ZNF385D: variants seen among roughly 807,000 people sequenced by gnomAD.
ZNF385D encodes zinc finger protein 659.
Under a neutral mutation model 35.8 loss-of-function variants are expected in ZNF385D, and 15 were observed. The observed-to-expected ratio is 0.42, with a 90% CI of 0.28 to 0.64. ZNF385D has a LOEUF of 0.64. ZNF385D is among the 30% of genes least tolerant of loss of function. The pLI is 0.23. For synonymous variants in ZNF385D, 212 were observed against 186.8 expected, an observed-to-expected ratio of 1.13 and a Z score of -1.10; for missense variants, 474 against 494.6, an observed-to-expected ratio of 0.96 and a Z score of 0.39.
intron 1 of ZNF385D, among the ~76,000 whole-genome samples, chr3:21,698,258 C>A (rs1170377866): frequency 6.6e-6 from 1 of 152,138 alleles, no homozygotes; most frequent in African/African-American, 2.4e-5. Flanking sequence ...CATGGAATAA[C>A]TATTCAGCCA....
chr3:21,950,176 G>A (rs1575990863), intron 3 of ZNF385D, among the ~76,000 whole-genome samples: 1 of 151,792 alleles, frequency 6.6e-6, no homozygotes, highest in Non-Finnish European at 1.5e-5. Flanking sequence ...CCCACCAACA[G>A]TGTAAAAGTG....
rs190058554 is a variant in ZNF385D, at chr3:21,734,712, A to G, written c.22+16183T>C. Among the ~76,000 whole-genome samples the G allele has an allele frequency of 1.9e-4, 29 of 152,272 alleles. No homozygotes were observed. The East Asian group carries it at 4.8e-3, about 25-fold the overall frequency. Reference sequence around the variant, plus strand: ...AAAACCTGGGCTGCACTGATCACCTAGATAAGAAATTTGGACCCCACGTGT... The same window carrying G: ...AAAACCTGGGCTGCACTGATCACCTGGATAAGAAATTTGGACCCCACGTGT... On this transcript the variant is annotated intron_variant, in intron 1 of 7. Coordinates refer to ENST00000281523, the MANE Select transcript of ZNF385D (RefSeq NM_024697.3).
intron 3 of ZNF385D, among the ~76,000 whole-genome samples, chr3:22,162,985 G>A (rs1190183071): frequency 6.6e-6 from 1 of 152,148 alleles, no homozygotes; most frequent in East Asian, 1.9e-4. Flanking sequence ...AGTAGAGAGT[G>A]AGGTTAGCCT....
At chr3:22,259,602 AT>A (rs752261723) in intron 2 of ZNF385D, among the ~76,000 whole-genome samples, 112 of 152,152 alleles carry the variant, frequency 7.4e-4, no homozygotes, top group Middle Eastern at 6.8e-3. Context: ...TATCAAAAAA[AT>A]GTTTAATTCA....
At chr3:22,168,168 A>G (rs370476850) in intron 3 of ZNF385D, among the ~76,000 whole-genome samples, 1 of 152,184 alleles carries the variant, frequency 6.6e-6, no homozygotes, top group Admixed American at 6.5e-5. Context: ...TTAGCTCTCT[A>G]AAGTCTCCTC....
At chr3:21,735,344 A>G (rs1054888244) in intron 1 of ZNF385D, among the ~76,000 whole-genome samples, 3 of 152,176 alleles carry the variant, frequency 2.0e-5, no homozygotes, top group Non-Finnish European at 2.9e-5. Flanking sequence ...GGAAGTAGTC[A>G]ACAGATCTGA....
At chr3:22,354,290 T>G (rs1378993162) in intron 2 of ZNF385D, among the ~76,000 whole-genome samples, 1 of 152,098 alleles carries the variant, frequency 6.6e-6, no homozygotes, top group East Asian at 1.9e-4. Flanking sequence ...GAAGAAAACA[T>G]CAGTACATAT....
At chr3:22,371,768 A>G (rs1177788041) in intron 2 of ZNF385D, among the ~76,000 whole-genome samples, 1 of 152,150 alleles carries the variant, frequency 6.6e-6, no homozygotes, top group East Asian at 1.9e-4. Flanking sequence ...GCTGGCCAAG[A>G]AGACAATCAG....
At chr3:21,866,724 G>A (rs1307305083) in intron 3 of ZNF385D, among the ~76,000 whole-genome samples, 1 of 152,142 alleles carries the variant, frequency 6.6e-6, no homozygotes, top group African/African-American at 2.4e-5. Flanking sequence ...GTAGCTAGAT[G>A]TTATTTTGCC....
intron 3 of ZNF385D, among the ~76,000 whole-genome samples, chr3:21,831,447 A>AT (rs1485171063): frequency 6.6e-6 from 1 of 152,224 alleles, no homozygotes; most frequent in Non-Finnish European, 1.5e-5. Flanking sequence ...CTCTTGACAA[A>AT]TGATCCCTAG....
At chr3:22,212,048 A>G (rs749871796) in intron 2 of ZNF385D, among the ~76,000 whole-genome samples, 28 of 152,146 alleles carry the variant, frequency 1.8e-4, no homozygotes, top group Non-Finnish European at 4.0e-4. Context: ...ATGTACTGCA[A>G]TAGGGAAAGT....
chr3:21,697,527 T>C (rs895892111), intron 1 of ZNF385D, among the ~76,000 whole-genome samples: 4 of 152,094 alleles, frequency 2.6e-5, no homozygotes, highest in African/African-American at 9.7e-5. Flanking sequence ...TATATGGCTA[T>C]TGAATACTTA....
chr3:22,240,438 C>A (rs1699431845), intron 2 of ZNF385D, among the ~76,000 whole-genome samples: 1 of 151,048 alleles, frequency 6.6e-6, no homozygotes, highest in South Asian at 2.2e-4. Context: ...CTGTTCTGAC[C>A]AGTTCCAGCC....
chr3:22,236,009 A>G (rs1462965738), intron 2 of ZNF385D, among the ~76,000 whole-genome samples: 1 of 151,444 alleles, frequency 6.6e-6, no homozygotes, highest in South Asian at 2.1e-4. Flanking sequence ...CACAAGATAC[A>G]GCATAAAGAA....
chr3:22,153,080 G>C (rs531012582), intron 3 of ZNF385D, among the ~76,000 whole-genome samples: 1 of 152,244 alleles, frequency 6.6e-6, no homozygotes, highest in Non-Finnish European at 1.5e-5. Context: ...ACTGACCAAT[G>C]TACTACTGCA....
intron 2 of ZNF385D, among the ~76,000 whole-genome samples, chr3:21,649,320 C>T (rs898728931): frequency 1.2e-4 from 19 of 152,018 alleles, no homozygotes; most frequent in Admixed American, 1.2e-3. Flanking sequence ...AAAAAGAGTC[C>T]ACACTGAAGT....
At chr3:22,042,233 T>A (rs939427681) in intron 3 of ZNF385D, among the ~76,000 whole-genome samples, 5 of 152,118 alleles carry the variant, frequency 3.3e-5, no homozygotes, top group Admixed American at 3.3e-4. Context: ...CCTCATTTCT[T>A]AATCTGCAAA....
chr3:21,865,003 T>TTTTTTTC (rs1553687694), intron 3 of ZNF385D, among the ~76,000 whole-genome samples: 5 of 148,240 alleles, frequency 3.4e-5, no homozygotes, highest in African/African-American at 5.0e-5. Flanking sequence ...TTTTTTTTTT[T>TTTTTTTC]CTTCCACTTT....
At chr3:21,675,583 G>T (rs1014193172) in intron 1 of ZNF385D, among the ~76,000 whole-genome samples, 2 of 151,982 alleles carry the variant, frequency 1.3e-5, no homozygotes, top group African/African-American at 4.8e-5. Flanking sequence ...CTTTTTTGAT[G>T]AAAGGTGGTA....
Sources: gnomAD v4.1 joint callset for allele counts (sites outside exome capture counted in the v4.1 genomes callset) on GRCh38, gnomAD v4.1.1 for gene constraint, MANE v1.5 for transcripts, NCBI Gene and HGNC (gene_info 2026-07-23, HGNC 2026-07-21) for gene names.